Variants in PTPRA observed in about 807,000 individuals in gnomAD.
The protein encoded by PTPRA is protein tyrosine phosphatase receptor type A.
In PTPRA, 25 loss-of-function variants were observed where a neutral mutation model predicts 104.8. The ratio of observed to expected loss-of-function variants is 0.24; its 90% CI spans 0.17 to 0.33. The LOEUF is 0.33. Among genes scored for constraint, PTPRA ranks in the 10% least tolerant of loss-of-function variants. The pLI, the probability that PTPRA is intolerant of heterozygous loss-of-function variation, is 1.00. For synonymous variants in PTPRA, 323 were observed against 368.9 expected (o/e 0.88, Z 1.43); for missense variants, 765 against 1,015.3 (o/e 0.75, Z 3.35).
At chr20:3,010,450 A>G (rs2064110155) in intron 11 of PTPRA, among the ~76,000 whole-genome samples, 1 of 151,764 alleles carries the variant, frequency 6.6e-6, no homozygotes. Flanking sequence ...AACACGGTGA[A>G]ACCCCGTCTC....
intron 1 of PTPRA, among the ~76,000 whole-genome samples, chr20:2,910,900 C>T (rs1477043507): frequency 3.3e-5 from 5 of 149,280 alleles, no homozygotes; most frequent in South Asian, 2.1e-4. Context: ...CCACCGCACC[C>T]GGCCTACTTT....
At chr20:2,992,080 G>A (rs766972812) in intron 9 of PTPRA, among the ~76,000 whole-genome samples, 3 of 152,178 alleles carry the variant, frequency 2.0e-5, no homozygotes, top group Non-Finnish European at 2.9e-5. Flanking sequence ...TTCTTCTTCA[G>A]TTAACTGTTG....
chr20:2,947,573 T>C (rs947623548), intron 2 of PTPRA, among the ~76,000 whole-genome samples: 1 of 152,156 alleles, frequency 6.6e-6, no homozygotes, highest in Non-Finnish European at 1.5e-5. Flanking sequence ...TTTCTAGGCT[T>C]TCATCACTGC....
intron 9 of PTPRA, among the ~76,000 whole-genome samples, chr20:3,001,646 T>C (rs1042597162): frequency 2.0e-5 from 3 of 152,214 alleles, no homozygotes; most frequent in African/African-American, 7.2e-5. Flanking sequence ...TGAGAAATTC[T>C]GATCTAAAAT....
At chr20:2,924,133 A>G (rs1237531851) in intron 2 of PTPRA, among the ~76,000 whole-genome samples, 1 of 152,188 alleles carries the variant, frequency 6.6e-6, no homozygotes, top group Non-Finnish European at 1.5e-5. Flanking sequence ...AAATTGTGAT[A>G]TATGGTCAGG....
intron 20 of PTPRA, among the ~76,000 whole-genome samples, chr20:3,031,168 A>G (rs2065435080): frequency 6.6e-6 from 1 of 152,102 alleles, no homozygotes; most frequent in South Asian, 2.1e-4. Context: ...ACCTGATAGC[A>G]TTAGTCTTCA....
At chr20:2,985,704 GA>G (rs2062870844) in intron 6 of PTPRA, among the ~76,000 whole-genome samples, 1 of 152,126 alleles carries the variant, frequency 6.6e-6, no homozygotes, top group African/African-American at 2.4e-5. Flanking sequence ...GCAGGGTGTG[GA>G]AAGAGGAAAA....
intron 1 of PTPRA, among the ~76,000 whole-genome samples, chr20:2,894,369 AC>A (rs1439230051): frequency 6.6e-6 from 1 of 152,266 alleles, no homozygotes; most frequent in African/African-American, 2.4e-5. Flanking sequence ...AAACCCAAAT[AC>A]GTTTTTCAAG....
intron 17 of PTPRA, among the ~76,000 whole-genome samples, chr20:3,026,155 C>T (rs1306394057): frequency 6.6e-6 from 1 of 151,890 alleles, no homozygotes; most frequent in African/African-American, 2.4e-5. Context: ...CCATGCGGGT[C>T]TCAAACTCCT....
chr20:3,028,006 A>G (rs1298536428), intron 20 of PTPRA, among the ~76,000 whole-genome samples, 165 bp downstream of exon 20: 1 of 152,180 alleles, frequency 6.6e-6, no homozygotes, highest in Non-Finnish European at 1.5e-5. Context: ...AAGGTATATA[A>G]ATACATATGC....
At chr20:2,924,570 C>T (rs2060224156) in intron 2 of PTPRA, among the ~76,000 whole-genome samples, 1 of 152,092 alleles carries the variant, frequency 6.6e-6, no homozygotes, top group African/African-American at 2.4e-5. Context: ...AGCAGAATTA[C>T]CGAGTAAAAC....
intron 6 of PTPRA, among the ~76,000 whole-genome samples, chr20:2,975,790 G>A (rs965881821): frequency 6.6e-6 from 1 of 152,152 alleles, no homozygotes; most frequent in Non-Finnish European, 1.5e-5. Flanking sequence ...CAGAAGTGTG[G>A]CACATTTTGC....
chr20:2,958,543 G>A (rs963356538), intron 3 of PTPRA, among the ~76,000 whole-genome samples: 1 of 151,100 alleles, frequency 6.6e-6, no homozygotes, highest in Non-Finnish European at 1.5e-5. Context: ...CTGTTAAGCC[G>A]GGTACAGTGG....
chr20:3,013,698 A>G lies in PTPRA; in HGVS notation c.907-2151A>G, dbSNP rs1048032900. On this transcript the variant is annotated intron_variant, in intron 11 of 23. Coordinates refer to ENST00000399903, the MANE Select transcript of PTPRA (RefSeq NM_001385305.1). ...AGTGTTGGGATTAGAGGCATGAGCCACCGCGCCCAGCCTAGAATATATAGG... is the reference window on the plus strand; with the variant it reads ...AGTGTTGGGATTAGAGGCATGAGCCGCCGCGCCCAGCCTAGAATATATAGG... Among the ~76,000 whole-genome samples the G allele has an allele frequency of 2.6e-5, 4 of 152,054 alleles. No homozygotes were observed. The South Asian group carries it at 8.3e-4, about 32-fold the overall frequency.
rs201354885 is a variant in PTPRA, at chr20:3,026,829, T to A, written c.1708+49T>A. ...AAGCCTTATTGCCCCATCCCTCAAT[T>A]CCCTCCACCCCTTCCATTTCTCAGG... On this transcript the variant is annotated intron_variant, in intron 18 of 23. Coordinates refer to ENST00000399903, the MANE Select transcript of PTPRA (RefSeq NM_001385305.1). 4.9e-6 allele frequency: 7 copies of A among 1,442,796 alleles called. No individual in the cohort carries two copies. In the East Asian group the frequency reaches 1.6e-4, roughly 33 times the overall value. 89.4% of individuals were successfully genotyped at this position (1,442,796 alleles called of 1,614,324 possible).
chr20:2,933,659 C>A (rs998665410), intron 2 of PTPRA, among the ~76,000 whole-genome samples: 1 of 152,042 alleles, frequency 6.6e-6, no homozygotes, highest in Non-Finnish European at 1.5e-5. Flanking sequence ...TGGGGTTTCA[C>A]GATGTTGGCT....
In PTPRA at chr20:3,024,612, G is replaced by A; in HGVS notation, c.1605G>A (p.Glu535=). 6.2e-7 allele frequency: 1 copy of A among 1,614,158 alleles called. No homozygotes were observed. Among genetic ancestry groups the A allele is most frequent in the Non-Finnish European group, 8.5e-7 (1 of 1,180,028 alleles). ...GGACCAGCAACAATGGATTAGAGGA[G>A]GAGTTTAAGGTGAGTTGGAGCTGGA... ...IPGTSNNGLE[E]EFKKLTSIKI... Residue 535 remains glutamate, a synonymous_variant, in exon 17 of 24, where the codon GAG becomes GAA. Transcript: ENST00000399903.
intron 2 of PTPRA, among the ~76,000 whole-genome samples, chr20:2,942,841 T>C (rs2060969492): frequency 6.6e-6 from 1 of 151,994 alleles, no homozygotes; most frequent in Non-Finnish European, 1.5e-5. Flanking sequence ...GGAAGCATTA[T>C]ATTCCAAGAC....
At chr20:3,027,965 A>G in intron 20 of PTPRA, 124 bp downstream of exon 20, 1 of 1,335,576 alleles carries the variant, frequency 7.5e-7, no homozygotes, top group East Asian at 2.3e-5. Flanking sequence ...CGGTCCAAAG[A>G]GTACGTTTGC....
Sources: allele counts gnomAD v4.1 joint callset (sites outside exome capture counted in the v4.1 genomes callset), GRCh38; gene constraint gnomAD v4.1.1; transcripts MANE v1.5; gene names NCBI Gene and HGNC (gene_info 2026-07-23, HGNC 2026-07-21).